Variants in TXNDC16 observed in about 807,000 individuals in gnomAD.
TXNDC16 encodes the protein thioredoxin domain-containing protein 16.
TXNDC16 carries 74 observed loss-of-function variants against 85.6 expected under a neutral mutation model. The ratio of observed to expected loss-of-function variants is 0.86; its 90% CI spans 0.72 to 1.05. TXNDC16 has a LOEUF of 1.05. Among genes scored for constraint, TXNDC16 ranks in the 50% least tolerant of loss-of-function variants. The pLI is 0.00. For missense variants in TXNDC16, 959 were observed against 947.0 expected, an observed-to-expected ratio of 1.01 and a Z score of -0.17; for synonymous variants, 335 against 326.5, an observed-to-expected ratio of 1.03 and a Z score of -0.28.
chr14:52,486,402 G>T (rs2036272850), intron 12 of TXNDC16, among the ~76,000 whole-genome samples: 1 of 150,112 alleles, frequency 6.7e-6, no homozygotes, highest in Non-Finnish European at 1.5e-5. Flanking sequence ...TCCCACCTCA[G>T]CCTCCCAAGG....
chr14:52,491,094 TG>T, intron 9 of TXNDC16, 89 bp from the exon 10 acceptor site: 1 of 1,412,634 alleles, frequency 7.1e-7, no homozygotes, highest in Non-Finnish European at 9.4e-7. Flanking sequence ...AATAAAGTCA[TG>T]AGTAAAAAAA....
chr14:52,551,509 G>A (rs2038047978), intron 1 of TXNDC16, among the ~76,000 whole-genome samples: 2 of 151,696 alleles, frequency 1.3e-5, no homozygotes, highest in African/African-American at 2.4e-5. Context: ...ACAAAGGATG[G>A]TGAGGTAAGA....
intron 6 of TXNDC16, among the ~76,000 whole-genome samples, chr14:52,521,346 C>G (rs2037207210): frequency 6.7e-6 from 1 of 149,606 alleles, no homozygotes; most frequent in Non-Finnish European, 1.5e-5. Context: ...TGGTCTCAAA[C>G]TCCTGACCTC....
chr14:52,446,859 TAGTCCTGGC>T (rs949057309), intron 18 of TXNDC16, among the ~76,000 whole-genome samples: 1 of 152,040 alleles, frequency 6.6e-6, no homozygotes, highest in African/African-American at 2.4e-5. Context: ...GGGAAAGACC[TAGTCCTGGC>T]AGCATTTATC....
intron 9 of TXNDC16, among the ~76,000 whole-genome samples, chr14:52,508,260 T>A (rs1226246239): frequency 6.6e-5 from 10 of 152,148 alleles, no homozygotes; most frequent in Non-Finnish European, 4.4e-5. Flanking sequence ...GCGAAGGATA[T>A]GAATAGACAC....
At chr14:52,435,747 G>A (rs145028753) in intron 20 of TXNDC16, among the ~76,000 whole-genome samples, 1 of 152,124 alleles carries the variant, frequency 6.6e-6, no homozygotes, top group Non-Finnish European at 1.5e-5. Flanking sequence ...GGTTGCTTGA[G>A]GCCAACAGTT....
intron 9 of TXNDC16, among the ~76,000 whole-genome samples, chr14:52,497,937 C>G (rs2036570878): frequency 6.7e-6 from 1 of 149,712 alleles, no homozygotes; most frequent in South Asian, 2.1e-4. Context: ...TTAAAAGGAC[C>G]ACTCATCATG....
At chr14:52,533,972 T>C (rs1221594751) in intron 6 of TXNDC16, among the ~76,000 whole-genome samples, 1 of 152,198 alleles carries the variant, frequency 6.6e-6, no homozygotes. Flanking sequence ...TAGGCCTATG[T>C]CCTTGACCTC....
intron 14 of TXNDC16, among the ~76,000 whole-genome samples, chr14:52,471,152 G>A (rs540480933): frequency 1.3e-5 from 2 of 152,222 alleles, no homozygotes; most frequent in Admixed American, 6.5e-5. Context: ...GTTGGTGAAC[G>A]TTGCTGCTCT....
chr14:52,468,096 G>A (rs915048997), intron 16 of TXNDC16, among the ~76,000 whole-genome samples: 3 of 152,148 alleles, frequency 2.0e-5, no homozygotes, highest in African/African-American at 7.2e-5. Flanking sequence ...GGCCTGGGAG[G>A]AGGATGAAAT....
In TXNDC16 at chr14:52,549,498, G is replaced by A. The variant is rs541144424; in HGVS notation, c.-182+2818C>T. Among the ~76,000 whole-genome samples, 227 of 152,330 alleles carry A rather than the reference G, an allele frequency of 1.5e-3. 1 individual carries two copies. Among genetic ancestry groups the A allele is most frequent in the African/African-American group, 5.3e-3 (222 of 41,584 alleles). On this transcript the variant is annotated intron_variant, in intron 1 of 20. Transcript: ENST00000281741. ...TTCAAGAGAAAACGCTAGTCTTCTT[G>A]TAAGGAGACAGTATGAGGATTTGCC... is the stretch of plus-strand genomic sequence containing the variant.
intron 6 of TXNDC16, among the ~76,000 whole-genome samples, chr14:52,519,528 C>T (rs1207112401): frequency 6.6e-6 from 1 of 152,192 alleles, no homozygotes; most frequent in Non-Finnish European, 1.5e-5. Context: ...TGTATTACAA[C>T]GGTCTCAACA....
rs555994196 is a variant in TXNDC16 at position 52,493,193 on chromosome 14, CTATA to C, written c.757-2192_757-2189del. Reference sequence around the variant, plus strand: ...TAAAATGTGAACACATGTCACTGTTCTATATATATATATATATATATATACACAC... The same window carrying C: ...TAAAATGTGAACACATGTCACTGTTCTATATATATATATATATATACACAC... On this transcript the variant is annotated intron_variant, in intron 9 of 20. Transcript: ENST00000281741. Among the ~76,000 whole-genome samples the C allele has an allele frequency of 9.2e-4, 116 of 126,188 alleles. 1 individual carries two copies. Among genetic ancestry groups the C allele is most frequent in the Middle Eastern group, 8.1e-3 (2 of 248 alleles). The allele number at this position is 126,188 out of a possible 152,430, so 82.8% of individuals were successfully genotyped here. A position where few individuals can be genotyped will look rare whatever the true frequency, so the allele number is the denominator to read the frequency against.
At chr14:52,496,886 T>C (rs1036599901) in intron 9 of TXNDC16, among the ~76,000 whole-genome samples, 8 of 152,090 alleles carry the variant, frequency 5.3e-5, no homozygotes, top group Admixed American at 5.2e-4. Context: ...GCCGGGATTA[T>C]AGGCGGGAAC....
At chr14:52,520,855 G>C (rs1368245630) in intron 6 of TXNDC16, among the ~76,000 whole-genome samples, 1 of 151,880 alleles carries the variant, frequency 6.6e-6, no homozygotes, top group Non-Finnish European at 1.5e-5. Context: ...CTCCTATAAA[G>C]TTTTTCCTAA....
intron 6 of TXNDC16, among the ~76,000 whole-genome samples, chr14:52,524,626 G>C (rs1254508193): frequency 1.3e-5 from 2 of 152,064 alleles, no homozygotes; most frequent in African/African-American, 2.4e-5. Context: ...TGAGTAACTA[G>C]GACAACAGGC....
At chr14:52,529,467 T>A (rs2037423705) in intron 6 of TXNDC16, among the ~76,000 whole-genome samples, 1 of 138,060 alleles carries the variant, frequency 7.2e-6, no homozygotes, top group Admixed American at 7.7e-5. Context: ...AAACTTTAAC[T>A]ATAATAATAA....
chr14:52,540,452 C>T (rs1346429548), intron 4 of TXNDC16, among the ~76,000 whole-genome samples: 6 of 152,022 alleles, frequency 3.9e-5, no homozygotes, highest in Admixed American at 3.9e-4. Context: ...TGGTGAAACC[C>T]CATCTCTACT....
intron 16 of TXNDC16, among the ~76,000 whole-genome samples, chr14:52,460,818 A>G (rs2035636088): frequency 6.6e-6 from 1 of 152,172 alleles, no homozygotes; most frequent in Non-Finnish European, 1.5e-5. Flanking sequence ...AACGTGAATG[A>G]AAGTGTTTTA....
Sources: gnomAD v4.1 joint callset for allele counts (sites outside exome capture counted in the v4.1 genomes callset) on GRCh38, gnomAD v4.1.1 for gene constraint, MANE v1.5 for transcripts, NCBI Gene and HGNC (gene_info 2026-07-23, HGNC 2026-07-21) for gene names.